BAZ2B: variants seen among roughly 807,000 people sequenced by gnomAD.
BAZ2B encodes the protein bromodomain adjacent to zinc finger domain 2B.
A neutral mutation model predicts 246.0 loss-of-function variants in BAZ2B; 91 were observed. The ratio of observed to expected loss-of-function variants is 0.37; its 90% confidence interval spans 0.31 to 0.44. The LOEUF (loss-of-function observed/expected upper bound fraction) is 0.44, where lower values mean the gene tolerates loss of function less well. Ranked by LOEUF, BAZ2B falls within the 20% of genes least tolerant of loss-of-function variation. The pLI is 1.00. For synonymous variants in BAZ2B, 855 were observed against 860.0 expected (o/e 0.99, Z 0.10); for missense variants, 2,332 against 2,533.7 (o/e 0.92, Z 1.71).
At chr2:159,576,626 A>T (rs532957957) in intron 1 of BAZ2B, among the ~76,000 whole-genome samples, 1 of 151,990 alleles carries the variant, frequency 6.6e-6, no homozygotes, top group African/African-American at 2.4e-5. Flanking sequence ...CAAGTATAAA[A>T]GTTTTGGCCA....
chr2:159,322,993 G>GC (rs1332587105), intron 36 of BAZ2B, among the ~76,000 whole-genome samples: 1 of 134,628 alleles, frequency 7.4e-6, no homozygotes, highest in African/African-American at 2.5e-5. Flanking sequence ...TGATTTTGTA[G>GC]CTTTTTTTTT....
chr2:159,603,970 T>C lies in BAZ2B; in HGVS notation c.-46+12272A>G, dbSNP rs1452118371. Among the ~76,000 whole-genome samples the C allele has an allele frequency of 4.6e-5, 7 of 152,226 alleles. No homozygotes were observed. In the South Asian group the frequency reaches 6.2e-4, roughly 13 times the overall value. ...ACATAAAACAAACTAATAATGCATA[T>C]AGTAGCCTGTGAATAATAGAATTTT... On this transcript the variant is annotated intron_variant, in intron 1 of 36. Coordinates refer to ENST00000392783, the MANE Select transcript of BAZ2B (RefSeq NM_013450.4).
At chr2:159,484,276 C>G (rs1178774727) in intron 2 of BAZ2B, among the ~76,000 whole-genome samples, 1 of 152,114 alleles carries the variant, frequency 6.6e-6, no homozygotes, top group African/African-American at 2.4e-5. Flanking sequence ...TTCTATATAA[C>G]TATAATAGTA....
At chr2:159,382,844 T>C (rs2062155487) in intron 24 of BAZ2B, 42 bp from the exon 25 acceptor site, 1 of 1,592,484 alleles carries the variant, frequency 6.3e-7, no homozygotes, top group Non-Finnish European at 8.5e-7. Context: ...AAAAAAGACT[T>C]CTCAATATAC....
At chr2:159,659,589 G>A in the BAZ2B span, among the ~76,000 whole-genome samples, 2 of 152,120 alleles carry the variant, frequency 1.3e-5, no homozygotes, top group African/African-American at 4.8e-5. Flanking sequence ...CCACTTCTGA[G>A]TATTCCTCTG....
downstream of BAZ2B, among the ~76,000 whole-genome samples, chr2:159,315,577 G>T (rs2062027760): frequency 6.6e-6 from 1 of 152,180 alleles, no homozygotes; most frequent in South Asian, 2.1e-4. Flanking sequence ...CATAATGGCT[G>T]GTTTTGCCGA....
chr2:159,432,827 A>G lies in BAZ2B; in HGVS notation c.1830T>C (p.Asp610=), dbSNP rs775532478. 3.1e-6 allele frequency: 5 copies of G among 1,613,890 alleles called. No individual in the cohort carries two copies. In the East Asian group the frequency reaches 8.9e-5, roughly 29 times the overall value. The change falls in exon 9 of 37, where the codon GAT becomes GAC. Residue 610 remains aspartate (D), a synonymous_variant. Transcript: ENST00000392783. ...CTTCTTCTTCATCATCTTCCTCTTC[A>G]TCCTCATTTGAATCTTCAGAATCTT... ...SSKDSEDSNE[D]EEEDDEEEDE... is the part of the protein sequence containing the mutation.
the BAZ2B span, among the ~76,000 whole-genome samples, chr2:159,696,937 C>T: frequency 2.0e-5 from 3 of 152,098 alleles, no homozygotes; most frequent in South Asian, 6.2e-4. Context: ...CAGGTGCGTG[C>T]CACCACACTC....
chr2:159,515,769 A>C (rs1336788190), intron 2 of BAZ2B, among the ~76,000 whole-genome samples: 1 of 152,116 alleles, frequency 6.6e-6, no homozygotes, highest in African/African-American at 2.4e-5. Context: ...CTGAATACTT[A>C]ACATTGTTTT....
At chr2:159,489,477 T>C (rs1044192424) in intron 2 of BAZ2B, among the ~76,000 whole-genome samples, 11 of 151,968 alleles carry the variant, frequency 7.2e-5, no homozygotes, top group Non-Finnish European at 1.6e-4. Flanking sequence ...GGAGGAAAAA[T>C]GGTGTAGAGT....
At chr2:159,475,702 G>C (rs1418339149) in intron 3 of BAZ2B, among the ~76,000 whole-genome samples, 1 of 152,076 alleles carries the variant, frequency 6.6e-6, no homozygotes, top group Non-Finnish European at 1.5e-5. Flanking sequence ...ATCTACCTTT[G>C]GTCTTTGATG....
intron 1 of BAZ2B, among the ~76,000 whole-genome samples, chr2:159,556,667 G>A (rs566516319): frequency 8.3e-4 from 126 of 152,124 alleles, no homozygotes; most frequent in African/African-American, 2.8e-3. Context: ...TCGCTATGTT[G>A]GCCAGCCTGT....
At chr2:159,495,484 C>CAAAAAAAAA (rs56365046) in intron 2 of BAZ2B, among the ~76,000 whole-genome samples, 7 of 73,214 alleles carry the variant, frequency 9.6e-5, no homozygotes, top group African/African-American at 1.3e-4. Flanking sequence ...GACTCCGTCT[C>CAAAAAAAAA]AAAAAAAAAA....
At chr2:159,409,494 T>C (rs1244715724) in intron 14 of BAZ2B, among the ~76,000 whole-genome samples, 3 of 152,216 alleles carry the variant, frequency 2.0e-5, no homozygotes, top group Non-Finnish European at 4.4e-5. Flanking sequence ...TCTGAGAAAT[T>C]AGAGTTCTCA....
chr2:159,686,852 C>T, the BAZ2B span, among the ~76,000 whole-genome samples: 1 of 152,016 alleles, frequency 6.6e-6, no homozygotes, highest in African/African-American at 2.4e-5. Flanking sequence ...ACCACCCTGG[C>T]TAACATGGTG....
chr2:159,401,167 T>A (rs1051726702), intron 16 of BAZ2B, among the ~76,000 whole-genome samples: 1 of 152,370 alleles, frequency 6.6e-6, no homozygotes, highest in African/African-American at 2.4e-5. Context: ...CTCACAGTAA[T>A]TTGTAAAATG....
chr2:159,557,213 C>A (rs1559768134), intron 1 of BAZ2B, among the ~76,000 whole-genome samples: 1 of 138,420 alleles, frequency 7.2e-6, no homozygotes, highest in Non-Finnish European at 1.6e-5. Context: ...CTACACCTGG[C>A]TAATTAATTT....
chr2:159,462,969 A>C, intron 3 of BAZ2B: 1 of 989,674 alleles, frequency 1.0e-6, no homozygotes, highest in Non-Finnish European at 1.6e-6. Flanking sequence ...ATCAAATGTA[A>C]AGGAAATTTT....
chr2:159,621,108 C>T (rs1696413903), upstream of BAZ2B, among the ~76,000 whole-genome samples: 2 of 152,196 alleles, frequency 1.3e-5, no homozygotes, highest in Non-Finnish European at 1.5e-5. Flanking sequence ...GTAGTTGCTG[C>T]AGTCATTAAC....
Sources: gnomAD v4.1 joint callset for allele counts (sites outside exome capture counted in the v4.1 genomes callset) on GRCh38, gnomAD v4.1.1 for gene constraint, MANE v1.5 for transcripts, NCBI Gene and HGNC (gene_info 2026-07-23, HGNC 2026-07-21) for gene names.